SEPTIN9: variants seen among roughly 807,000 people sequenced by gnomAD.
SEPTIN9 encodes the protein septin 9, also known as septin-9.
SEPTIN9 carries 13 observed loss-of-function variants against 56.6 expected under a neutral mutation model. That is an observed-to-expected ratio of 0.23 (90% CI 0.15 to 0.37). The LOEUF (loss-of-function observed/expected upper bound fraction) is 0.37, where lower values mean the gene tolerates loss of function less well. Among genes scored for constraint, SEPTIN9 ranks in the 10% least tolerant of loss-of-function variants. SEPTIN9 has a pLI of 1.00. For missense variants in SEPTIN9, 650 were observed against 823.1 expected (o/e 0.79, Z 2.57); for synonymous variants, 332 against 334.1 (o/e 0.99, Z 0.07).
intron 1 of SEPTIN9, chr17:77,294,687 G>A (rs764123910): frequency 1.3e-5 from 2 of 152,956 alleles, no homozygotes; most frequent in Non-Finnish European, 2.9e-5. Context: ...TCTGACCAGA[G>A]AGACTTTTCT....
At position 77,421,299 on chromosome 17, in the gene SEPTIN9, G is replaced by A. The variant is rs2144218807; in HGVS notation, c.721+18596G>A. 6.6e-6 allele frequency among the ~76,000 whole-genome samples: 1 copy of A among 152,308 alleles called. No homozygotes were observed. Among genetic ancestry groups the A allele is most frequent in the South Asian group, 2.1e-4 (1 of 4,822 alleles). On this transcript the variant is annotated intron_variant, in intron 3 of 11. Transcript: ENST00000427177. The surrounding 1 kb of genome is among the most constrained non-coding windows in gnomAD (Gnocchi z 4.6). ...TTGAAATAAGACACCGCCCGTCTGT[G>A]GGGTGAGCAGGAACAGATTGGAACC... is the stretch of plus-strand genomic sequence containing the variant.
At chr17:77,375,196 C>CGTGGT (rs1265411102) in intron 2 of SEPTIN9, 1 of 152,708 alleles carries the variant, frequency 6.5e-6, no homozygotes, top group Non-Finnish European at 1.5e-5. Flanking sequence ...TCCCTGCGAC[C>CGTGGT]GCTCCTCCAG....
chr17:77,291,093 T>C (rs112360606), intron 1 of SEPTIN9, among the ~76,000 whole-genome samples: 8,567 of 140,152 alleles, frequency 0.061, 390 homozygotes, highest in African/African-American at 0.12. Flanking sequence ...TGGAGTGCCG[T>C]GGTGCAATCT....
At chr17:77,393,585 A>T (rs991277117) in intron 2 of SEPTIN9, among the ~76,000 whole-genome samples, 2 of 151,696 alleles carry the variant, frequency 1.3e-5, no homozygotes, top group Non-Finnish European at 2.9e-5. Context: ...CTTATTTTTT[A>T]TTTATTTATT....
chr17:77,481,528 C>G (rs537478009), intron 3 of SEPTIN9, among the ~76,000 whole-genome samples: 1 of 150,648 alleles, frequency 6.6e-6, no homozygotes. Context: ...CCATGGGGAC[C>G]GACGCTGGTT....
rs2037389556 is a variant in SEPTIN9, at chr17:77,437,605, T to TGACCTCCTGA, written c.721+34903_721+34904insACCTCCTGAG. ...GACTGCTCTGACCTCCTGATGCTTCTGGTGGGGAGACCTCAGAGGGGCCTG... is the reference window on the plus strand; with the variant it reads ...GACTGCTCTGACCTCCTGATGCTTCTGACCTCCTGAGGTGGGGAGACCTCAGAGGGGCCTG... On this transcript the variant is annotated intron_variant, in intron 3 of 11. Coordinates refer to ENST00000427177, the MANE Select transcript of SEPTIN9 (RefSeq NM_001113491.2). This position sits in a 1 kb window ranked among gnomAD's most constrained non-coding sequence, Gnocchi z 5.3. Among the ~76,000 whole-genome samples the TGACCTCCTGA allele has an allele frequency of 1.3e-5, 2 of 152,048 alleles. No homozygotes were observed. Among genetic ancestry groups the TGACCTCCTGA allele is most frequent in the Non-Finnish European group, 2.9e-5 (2 of 67,994 alleles).
intron 3 of SEPTIN9, among the ~76,000 whole-genome samples, chr17:77,462,843 T>C (rs543377557): frequency 6.6e-6 from 1 of 152,164 alleles, no homozygotes; most frequent in African/African-American, 2.4e-5. Flanking sequence ...GGTTTTACCA[T>C]GTTGGCCAGG....
intron 2 of SEPTIN9, among the ~76,000 whole-genome samples, chr17:77,346,625 G>GA (rs2033903176): frequency 6.6e-6 from 1 of 152,072 alleles, no homozygotes; most frequent in Admixed American, 6.6e-5. Flanking sequence ...TTTCACTTGA[G>GA]AAAAAAATAT....
chr17:77,351,064 A>AT (rs1330124682), intron 2 of SEPTIN9, among the ~76,000 whole-genome samples: 1 of 150,724 alleles, frequency 6.6e-6, no homozygotes, highest in Non-Finnish European at 1.5e-5. Flanking sequence ...GAGTGTGTAT[A>AT]TGTGTGTGCC....
intron 3 of SEPTIN9, among the ~76,000 whole-genome samples, chr17:77,430,140 C>T (rs1446667339): frequency 6.6e-6 from 1 of 151,992 alleles, no homozygotes; most frequent in Non-Finnish European, 1.5e-5. Flanking sequence ...CCTGGGGCTG[C>T]CCTCCCAGCC....
Position 77,451,429 on chromosome 17 carries a change from A to C in SEPTIN9, c.722-30715A>C. 1 of 985,532 alleles carries C rather than the reference A, an allele frequency of 1.0e-6. No individual in the cohort carries two copies. Among genetic ancestry groups the C allele is most frequent in the Non-Finnish European group, 1.2e-6 (1 of 830,032 alleles). 61.0% of individuals were successfully genotyped at this position (985,532 alleles called of 1,614,324 possible). A position where few individuals can be genotyped will look rare whatever the true frequency, so the allele number is the denominator to read the frequency against. On this transcript the variant is annotated intron_variant, in intron 3 of 11. Transcript: ENST00000427177. The surrounding 1 kb of genome is among the most constrained non-coding windows in gnomAD (Gnocchi z 4.2). ...GGGAGGCTCCTTGTTCCGCGACCAC[A>C]AAGCCCCTTTGATCCTCTGCTCGGC... is the stretch of plus-strand genomic sequence containing the variant.
intron 2 of SEPTIN9, among the ~76,000 whole-genome samples, chr17:77,341,297 A>G (rs954497367): frequency 3.9e-5 from 6 of 152,204 alleles, no homozygotes; most frequent in African/African-American, 1.4e-4. Flanking sequence ...TTGTAGGGTT[A>G]TTAATTGGCC....
chr17:77,493,956 A>G (rs2040148685), intron 10 of SEPTIN9, among the ~76,000 whole-genome samples: 1 of 152,052 alleles, frequency 6.6e-6, no homozygotes, highest in African/African-American at 2.4e-5. Context: ...TATTTTTAGT[A>G]GAGACAGGAT....
At chr17:77,419,973 G>A (rs1250221572) in intron 3 of SEPTIN9, 1 of 152,316 alleles carries the variant, frequency 6.6e-6, no homozygotes, top group Non-Finnish European at 1.5e-5. Context: ...TGCGGTGGAG[G>A]AGAAGCCAGC....
intron 3 of SEPTIN9, among the ~76,000 whole-genome samples, chr17:77,412,129 CAAAAAAAAAAA>C (rs756030644): frequency 1.5e-5 from 1 of 67,394 alleles, no homozygotes; most frequent in Non-Finnish European, 3.4e-5. Context: ...GACTCCCTAT[CAAAAAAAAAAA>C]AAAAAAAAAA....
At chr17:77,359,994 C>G (rs534856873) in intron 2 of SEPTIN9, among the ~76,000 whole-genome samples, 2 of 151,862 alleles carry the variant, frequency 1.3e-5, no homozygotes, top group Non-Finnish European at 2.9e-5. Flanking sequence ...CCCATCTGTA[C>G]TACAAATACA....
In SEPTIN9 at chr17:77,369,865, T is replaced by G. The variant is rs2034668592; in HGVS notation, c.77-32194T>G. ...CGCCAAACGCTGCTTCCTCGTGGATTTCCTCCCCACTCCGTTCCCACGCTT... is the reference window on the plus strand; with the variant it reads ...CGCCAAACGCTGCTTCCTCGTGGATGTCCTCCCCACTCCGTTCCCACGCTT... On this transcript the variant is annotated intron_variant, in intron 2 of 11. Transcript: ENST00000427177. The surrounding 1 kb of genome is among the most constrained non-coding windows in gnomAD (Gnocchi z 4.9). 6.6e-6 allele frequency among the ~76,000 whole-genome samples: 1 copy of G among 152,180 alleles called. No individual in the cohort carries two copies. Among genetic ancestry groups the G allele is most frequent in the South Asian group, 2.1e-4 (1 of 4,830 alleles).
intron 3 of SEPTIN9, among the ~76,000 whole-genome samples, chr17:77,403,863 C>T (rs967627599): frequency 2.0e-5 from 3 of 152,202 alleles, no homozygotes; most frequent in East Asian, 1.9e-4. Context: ...CAGCTGCCAC[C>T]GCTGTCCATC....
intron 3 of SEPTIN9, among the ~76,000 whole-genome samples, chr17:77,463,293 C>G (rs73375394): frequency 6.6e-6 from 1 of 152,222 alleles, no homozygotes; most frequent in East Asian, 1.9e-4. Context: ...TTCAACTGAT[C>G]GGGTGAGGCC....
Sources: allele counts gnomAD v4.1 joint callset (sites outside exome capture counted in the v4.1 genomes callset), GRCh38; gene constraint gnomAD v4.1.1; non-coding constraint Gnocchi (gnomAD v3.1); transcripts MANE v1.5; gene names NCBI Gene and HGNC (gene_info 2026-07-23, HGNC 2026-07-21).